CNGB3: variants seen among roughly 807,000 people sequenced by gnomAD.
The protein encoded by CNGB3 is cyclic nucleotide-gated channel beta-3.
In CNGB3, 86 loss-of-function variants were observed where a neutral mutation model predicts 92.8. The observed-to-expected ratio is 0.93, with a 90% CI of 0.78 to 1.11. The LOEUF (loss-of-function observed/expected upper bound fraction) is 1.11. CNGB3 is among the 50% of genes least tolerant of loss of function. The probability of loss-of-function intolerance (pLI) is 0.00; values close to 1 mark genes in which losing one functional copy is unlikely to be tolerated. For synonymous variants in CNGB3, 333 were observed against 332.7 expected (o/e 1.00, Z -0.01); for missense variants, 1,026 against 956.8 (o/e 1.07, Z -0.95).
intron 15 of CNGB3, among the ~76,000 whole-genome samples, chr8:86,592,344 T>C (rs1027869268): frequency 2.0e-5 from 3 of 152,350 alleles, no homozygotes; most frequent in Non-Finnish European, 4.4e-5. Context: ...ACTGTTCCTA[T>C]TCGGCCATCT....
At chr8:86,649,597 C>T (rs1292899673) in intron 7 of CNGB3, among the ~76,000 whole-genome samples, 20 of 151,282 alleles carry the variant, frequency 1.3e-4, no homozygotes, top group East Asian at 1.9e-4. Context: ...GCAAGCCACA[C>T]GTGGAAGAGT....
chr8:86,626,385 T>A (rs964880070), intron 12 of CNGB3, among the ~76,000 whole-genome samples: 23 of 152,204 alleles, frequency 1.5e-4, no homozygotes, highest in Non-Finnish European at 3.1e-4. Flanking sequence ...GCACAAAGGC[T>A]AGTGAACAAG....
chr8:86,583,886 C>T (rs1374795109), intron 15 of CNGB3, among the ~76,000 whole-genome samples: 1 of 132,062 alleles, frequency 7.6e-6, no homozygotes, highest in Non-Finnish European at 1.5e-5. Flanking sequence ...CACACCAATA[C>T]ACTCCAGACT....
chr8:86,711,872 A>G (rs1824758363), intron 3 of CNGB3, among the ~76,000 whole-genome samples: 1 of 150,386 alleles, frequency 6.6e-6, no homozygotes, highest in Non-Finnish European at 1.5e-5. Context: ...TACATAGTAT[A>G]TAAATATTAT....
chr8:86,696,628 T>C (rs1242368246), intron 3 of CNGB3, among the ~76,000 whole-genome samples: 2 of 152,220 alleles, frequency 1.3e-5, no homozygotes, highest in Non-Finnish European at 2.9e-5. Context: ...TTTCCTATGA[T>C]TGTTATATCC....
Position 86,614,496 on chromosome 8 carries a change from C to T in CNGB3, c.1579-2825G>A, listed in dbSNP as rs180984593. On this transcript the variant is annotated intron_variant, in intron 13 of 17. Coordinates refer to ENST00000320005, the MANE Select transcript of CNGB3 (RefSeq NM_019098.5). Reference sequence around the variant, plus strand: ...CACGAGTGTTACCCCTTCCCATTGGCCCTGTGAGGCGTGCTGCCCTTTTCT... The same window carrying T: ...CACGAGTGTTACCCCTTCCCATTGGTCCTGTGAGGCGTGCTGCCCTTTTCT... Among the ~76,000 whole-genome samples, 438 of 152,248 alleles carry T rather than the reference C, an allele frequency of 2.9e-3. 2 individuals are homozygous for T. Among genetic ancestry groups the T allele is most frequent in the African/African-American group, 0.01 (423 of 41,548 alleles).
At chr8:86,664,585 G>A (rs1180141809) in intron 6 of CNGB3, among the ~76,000 whole-genome samples, 1 of 152,130 alleles carries the variant, frequency 6.6e-6, no homozygotes. Context: ...ACATTTTTCT[G>A]TTTCTTAGAT....
Position 86,608,246 on chromosome 8 carries a change from A to T in CNGB3, c.1662+3342T>A, listed in dbSNP as rs558385785. ...ATCATAACCTAGGGAAAACCAGGCC[A>T]TGCAGACATAGGAGCTGAGGGGACA... On this transcript the variant is annotated intron_variant, in intron 14 of 17. Transcript: ENST00000320005. Among the ~76,000 whole-genome samples the T allele has an allele frequency of 3.3e-5, 5 of 152,382 alleles. No homozygotes were observed. The East Asian group carries it at 9.7e-4, about 29-fold the overall frequency.
chr8:86,698,473 G>A (rs77729918), intron 3 of CNGB3, among the ~76,000 whole-genome samples: 2 of 152,132 alleles, frequency 1.3e-5, no homozygotes, highest in Non-Finnish European at 2.9e-5. Flanking sequence ...GAAAACAATC[G>A]CCTATGGAAT....
At chr8:86,712,950 G>T (rs1438199178) in intron 3 of CNGB3, among the ~76,000 whole-genome samples, 1 of 148,956 alleles carries the variant, frequency 6.7e-6, no homozygotes, top group Non-Finnish European at 1.5e-5. Context: ...AACTTAACTA[G>T]TTTAAAAAAA....
At chr8:86,591,060 A>G (rs1822022061) in intron 15 of CNGB3, among the ~76,000 whole-genome samples, 1 of 151,656 alleles carries the variant, frequency 6.6e-6, no homozygotes, top group African/African-American at 2.4e-5. Flanking sequence ...TTTTTCTCTA[A>G]ACTTTCCTTC....
intron 11 of CNGB3, among the ~76,000 whole-genome samples, chr8:86,632,524 C>T (rs1822982554): frequency 6.6e-6 from 1 of 152,142 alleles, no homozygotes; most frequent in African/African-American, 2.4e-5. Flanking sequence ...TCTGAGAGTT[C>T]AAACTATGCT....
chr8:86,606,676 C>G (rs530246480), intron 14 of CNGB3, among the ~76,000 whole-genome samples: 1 of 152,262 alleles, frequency 6.6e-6, no homozygotes, highest in South Asian at 2.1e-4. Flanking sequence ...TGTAAAGCAT[C>G]TCATAGATAT....
intron 3 of CNGB3, among the ~76,000 whole-genome samples, chr8:86,725,141 A>G (rs751965899): frequency 2.0e-5 from 3 of 152,154 alleles, no homozygotes; most frequent in Non-Finnish European, 4.4e-5. Context: ...AAATCTATCA[A>G]TTGCCGTGGG....
intron 3 of CNGB3, among the ~76,000 whole-genome samples, chr8:86,686,083 A>G (rs1302114034): frequency 1.3e-5 from 2 of 152,136 alleles, no homozygotes; most frequent in African/African-American, 4.8e-5. Flanking sequence ...ACCATATGGT[A>G]CTATAACATA....
chr8:86,732,396 A>T (rs956505060), intron 2 of CNGB3, among the ~76,000 whole-genome samples: 1 of 152,224 alleles, frequency 6.6e-6, no homozygotes, highest in Non-Finnish European at 1.5e-5. Flanking sequence ...TAAGTCAGTC[A>T]GACTACTCCC....
rs1822903355 is a variant in CNGB3 at position 86,628,937 on chromosome 8, C to T, written c.1462G>A (p.Asp488Asn). Residue 488 changes from aspartate (D) to asparagine (N), a missense_variant, in exon 12 of 18, where the codon GAC becomes AAC. Transcript: ENST00000320005. ...RVRTWYEYTWDSQRMLDESDL... is the reference protein window; with the variant it reads ...RVRTWYEYTWNSQRMLDESDL... Reference sequence around the variant, plus strand: ...TGCTTACCTAGCATTCTTTGAGAGTCCCATGTATATTCATACCAAGTCCGA... The same window carrying T: ...TGCTTACCTAGCATTCTTTGAGAGTTCCATGTATATTCATACCAAGTCCGA... 1 of 1,613,836 alleles carries T rather than the reference C, an allele frequency of 6.2e-7. No homozygotes were observed. Among genetic ancestry groups the T allele is most frequent in the Non-Finnish European group, 8.5e-7 (1 of 1,179,838 alleles).
intron 15 of CNGB3, among the ~76,000 whole-genome samples, chr8:86,584,799 A>C (rs1821861297): frequency 6.6e-6 from 1 of 152,176 alleles, no homozygotes; most frequent in Non-Finnish European, 1.5e-5. Context: ...AGCCACCTCT[A>C]TTTGCTATGA....
intron 6 of CNGB3, chr8:86,658,227 C>T (rs989381105): frequency 4.1e-5 from 23 of 559,968 alleles, no homozygotes; most frequent in South Asian, 1.7e-4. Flanking sequence ...CAGCTGCCCA[C>T]GTGGCCATGC....
Sources: allele counts gnomAD v4.1 joint callset (sites outside exome capture counted in the v4.1 genomes callset), GRCh38; gene constraint gnomAD v4.1.1; transcripts MANE v1.5; gene names NCBI Gene and HGNC (gene_info 2026-07-23, HGNC 2026-07-21).